Variants in NDUFS6 observed in about 807,000 individuals in gnomAD.
The protein encoded by NDUFS6 is NADH:ubiquinone oxidoreductase subunit S6, also known as NADH dehydrogenase [ubiquinone] iron-sulfur protein 6, mitochondrial.
A neutral mutation model predicts 13.2 loss-of-function variants in NDUFS6; 14 were observed. That is an observed-to-expected ratio of 1.06 (90% CI 0.70 to 1.66). The LOEUF is 1.66. Among genes scored for constraint, NDUFS6 ranks in the 40% most tolerant of loss-of-function variants. The pLI is 0.00. For synonymous variants in NDUFS6, 95 were observed against 72.3 expected (o/e 1.31, Z -1.60); for missense variants, 206 against 170.8 (o/e 1.21, Z -1.15).
At position 1,814,423 on chromosome 5, in the gene NDUFS6, G is replaced by A. The variant is rs748225893; in HGVS notation, c.271G>A (p.Gly91Arg). The change falls in exon 3 of 4, where the codon GGG becomes AGG. Residue 91 changes from glycine to arginine, a missense_variant. By Grantham distance (125) the Gly-to-Arg change is moderately radical (BLOSUM62 -2). Transcript: ENST00000274137. This position sits in a 1 kb window ranked among gnomAD's most constrained non-coding sequence, Gnocchi z 4.9. ...ETRVIACDGG[G>R]GALGHPKVYI... ...TCGGGTGATAGCGTGCGATGGCGGC[G>A]GGGGAGCTCTTGGCCACCCAAAAGT... is the stretch of plus-strand genomic sequence containing the variant. The A allele has an allele frequency of 9.3e-6, 15 of 1,613,990 alleles. No homozygotes were observed. The highest frequency in any genetic ancestry group is 3.3e-5 in the South Asian group (3 of 91,082).
At chr5:1,811,386 A>C (rs1734217558) in intron 2 of NDUFS6, among the ~76,000 whole-genome samples, 1 of 152,246 alleles carries the variant, frequency 6.6e-6, no homozygotes, top group Admixed American at 6.5e-5. Context: ...AAATATATTA[A>C]CATGACAACA....
chr5:1,814,883 C>T lies in NDUFS6; in HGVS notation c.309+422C>T, dbSNP rs1163792214. ...TTCCTCCTGGGGCCTCGCTCCGGGG[C>T]TTGCAGATGAGGTCTCCTCCCTGTG... On this transcript the variant is annotated intron_variant, in intron 3 of 3. Transcript: ENST00000274137. The surrounding 1 kb of genome is among the most constrained non-coding windows in gnomAD (Gnocchi z 4.9). Among the ~76,000 whole-genome samples, 1 of 152,190 alleles carries T rather than the reference C, an allele frequency of 6.6e-6. No individual in the cohort carries two copies. The highest frequency in any genetic ancestry group is 1.9e-4 in the East Asian group (1 of 5,190).
At position 1,814,332 on chromosome 5, in the gene NDUFS6, G is replaced by C. The variant is rs1031668580; in HGVS notation, c.187-7G>C. On this transcript the variant is annotated splice_polypyrimidine_tract_variant and splice_region_variant and intron_variant, in intron 2 of 3. Transcript: ENST00000274137. The surrounding 1 kb of genome is among the most constrained non-coding windows in gnomAD (Gnocchi z 4.9). ...TTTGTTTACGTAAGTCTTTCTTCTT[G>C]TTCCAGGTGAATGAAAACTTTGCCA... is the stretch of plus-strand genomic sequence containing the variant. The C allele has an allele frequency of 3.7e-6, 6 of 1,614,200 alleles. No individual in the cohort carries two copies. Among genetic ancestry groups the C allele is most frequent in the Non-Finnish European group, 4.2e-6 (5 of 1,180,036 alleles).
At chr5:1,810,975 A>G (rs926685569) in intron 2 of NDUFS6, among the ~76,000 whole-genome samples, 10 of 152,136 alleles carry the variant, frequency 6.6e-5, no homozygotes, top group Non-Finnish European at 1.0e-4. Flanking sequence ...CAGCAGGACC[A>G]ACCCTCCCTT....
chr5:1,802,132 AC>A (rs1303448690), intron 1 of NDUFS6, 188 bp from the exon 2 acceptor site: 11 of 584,822 alleles, frequency 1.9e-5, no homozygotes, highest in Non-Finnish European at 3.0e-5. Context: ...CCAGGTGACC[AC>A]CCGTTTTCAT....
chr5:1,807,781 C>G (rs1465598464), intron 2 of NDUFS6, among the ~76,000 whole-genome samples: 1 of 152,358 alleles, frequency 6.6e-6, no homozygotes, highest in African/African-American at 2.4e-5. Flanking sequence ...TGTTGGCTCT[C>G]GTGCGTGCAC....
intron 2 of NDUFS6, among the ~76,000 whole-genome samples, chr5:1,802,640 C>G (rs1734066596): frequency 6.6e-6 from 1 of 152,140 alleles, no homozygotes; most frequent in African/African-American, 2.4e-5. Flanking sequence ...GTCCCTTATT[C>G]TCCTGAGACT....
intron 2 of NDUFS6, among the ~76,000 whole-genome samples, chr5:1,805,331 A>G (rs1470913845): frequency 6.6e-6 from 1 of 152,238 alleles, no homozygotes; most frequent in African/African-American, 2.4e-5. Flanking sequence ...CTCTATCTCC[A>G]GAAAAAAAAG....
rs1327582191 is a variant in NDUFS6, at chr5:1,814,650, G to A, written c.309+189G>A. 2.0e-5 allele frequency: 18 copies of A among 894,640 alleles called. No individual in the cohort carries two copies. Among genetic ancestry groups the A allele is most frequent in the South Asian group, 4.2e-5 (3 of 71,420 alleles). 55.4% of individuals were successfully genotyped at this position (894,640 alleles called of 1,614,324 possible). A position where few individuals can be genotyped will look rare whatever the true frequency, so the allele number is the denominator to read the frequency against. Reference sequence around the variant, plus strand: ...AGGGCCTACATAGAGCCGCCTGTCCGAAAACCCCCTTTCAACTGTGAAGTG... The same window carrying A: ...AGGGCCTACATAGAGCCGCCTGTCCAAAAACCCCCTTTCAACTGTGAAGTG... On this transcript the variant is annotated intron_variant, in intron 3 of 3. Coordinates refer to ENST00000274137, the MANE Select transcript of NDUFS6 (RefSeq NM_004553.6). The surrounding 1 kb of genome is among the most constrained non-coding windows in gnomAD (Gnocchi z 4.9).
chr5:1,802,016 T>C, intron 1 of NDUFS6: 1 of 445,552 alleles, frequency 2.2e-6, no homozygotes, highest in South Asian at 2.5e-5. Context: ...AGTAAAGCTC[T>C]CAGGCCATAT....
intron 1 of NDUFS6, 26 bp from the exon 2 acceptor site, chr5:1,802,295 C>T (rs1734058651): frequency 6.2e-7 from 1 of 1,605,610 alleles, no homozygotes; most frequent in Non-Finnish European, 8.5e-7. Flanking sequence ...GTAAAAGTCA[C>T]ACATGGTCTT....
intron 3 of NDUFS6, among the ~76,000 whole-genome samples, chr5:1,815,163 C>T (rs1257372499): frequency 6.6e-6 from 1 of 152,170 alleles, no homozygotes; most frequent in Admixed American, 6.5e-5. Context: ...AAAAAGAACA[C>T]AGGACCGGAG....
chr5:1,802,846 G>A (rs545100811), intron 2 of NDUFS6, among the ~76,000 whole-genome samples: 3 of 152,134 alleles, frequency 2.0e-5, no homozygotes, highest in Admixed American at 6.5e-5. Flanking sequence ...GGGAAGATCA[G>A]TTCAGGTGCC....
Position 1,814,723 on chromosome 5 carries a change from T to C in NDUFS6, c.309+262T>C. The C allele has an allele frequency of 1.4e-6, 1 of 707,716 alleles. No individual in the cohort carries two copies. Among genetic ancestry groups the C allele is most frequent in the South Asian group, 1.5e-5 (1 of 67,620 alleles). 43.8% of individuals were successfully genotyped at this position (707,716 alleles called of 1,614,324 possible). A position where few individuals can be genotyped will look rare whatever the true frequency, so the allele number is the denominator to read the frequency against. On this transcript the variant is annotated intron_variant, in intron 3 of 3. Transcript: ENST00000274137. This position sits in a 1 kb window ranked among gnomAD's most constrained non-coding sequence, Gnocchi z 4.9. ...CGGACGCCCAAGCGTCTTTCCTCTC[T>C]GGGCCCTTCTCGGTTTGGTCATCAT...
intron 2 of NDUFS6, among the ~76,000 whole-genome samples, chr5:1,811,395 C>A (rs1734217700): frequency 6.6e-6 from 1 of 152,132 alleles, no homozygotes; most frequent in Non-Finnish European, 1.5e-5. Flanking sequence ...AACATGACAA[C>A]AATATAATTA....
chr5:1,806,268 C>T (rs374625168), intron 2 of NDUFS6, among the ~76,000 whole-genome samples: 9 of 152,198 alleles, frequency 5.9e-5, no homozygotes, highest in African/African-American at 2.2e-4. Context: ...TCAGCTTGTG[C>T]CTTCATCTGC....
chr5:1,804,513 C>T (rs1406075921), intron 2 of NDUFS6, among the ~76,000 whole-genome samples: 1 of 152,242 alleles, frequency 6.6e-6, no homozygotes, highest in Non-Finnish European at 1.5e-5. Flanking sequence ...AGTGCCTTCC[C>T]CCATTCAGCA....
At chr5:1,806,549 G>A (rs1274408023) in intron 2 of NDUFS6, among the ~76,000 whole-genome samples, 1 of 152,192 alleles carries the variant, frequency 6.6e-6, no homozygotes, top group Non-Finnish European at 1.5e-5. Context: ...GTTTTGTTGC[G>A]ATAATGTGAA....
intron 2 of NDUFS6, among the ~76,000 whole-genome samples, chr5:1,811,731 T>C (rs779447144): frequency 1.7e-4 from 26 of 152,236 alleles, no homozygotes; most frequent in Admixed American, 3.9e-4. Flanking sequence ...TAGTTGGATC[T>C]CAAGACTTGA....
Sources: allele counts gnomAD v4.1 joint callset (sites outside exome capture counted in the v4.1 genomes callset), GRCh38; gene constraint gnomAD v4.1.1; non-coding constraint Gnocchi (gnomAD v3.1); transcripts MANE v1.5; gene names NCBI Gene and HGNC (gene_info 2026-07-23, HGNC 2026-07-21).